The following AIG1 variants were observed in gnomAD, a reference collection of about 807,000 sequenced individuals.
AIG1 encodes the protein androgen induced 1, also known as androgen-induced gene 1 protein.
A neutral mutation model predicts 31.4 loss-of-function variants in AIG1; 23 were observed. That is an observed-to-expected ratio of 0.73 (90% CI 0.53 to 1.04). AIG1 has a LOEUF of 1.04. Among genes scored for constraint, AIG1 ranks in the 50% least tolerant of loss-of-function variants. The pLI is 0.00. For missense variants in AIG1, 274 were observed against 295.0 expected (o/e 0.93, Z 0.52); for synonymous variants, 100 against 110.5 (o/e 0.90, Z 0.60).
chr6:143,284,658 T>C lies in AIG1; in HGVS notation c.515+433T>C, dbSNP rs7749040. Among the ~76,000 whole-genome samples the C allele has an allele frequency of 0.73, 110,902 of 152,040 alleles. 42,143 individuals are homozygous for C. Among genetic ancestry groups the C allele is most frequent in the East Asian group, 1 (5,165 of 5,174 alleles). On this transcript the variant is annotated intron_variant, in intron 4 of 5. Coordinates refer to ENST00000357847, the MANE Select transcript of AIG1 (RefSeq NM_016108.4). This position sits in a 1 kb window ranked among gnomAD's most constrained non-coding sequence, Gnocchi z 4.4. ...TTACTAGGAAACAAGTGAAAATGTA[T>C]GTTTTCCCTGGTCCATTTAAAACCT... is the stretch of plus-strand genomic sequence containing the variant.
chr6:143,271,248 C>T lies in AIG1; in HGVS notation c.400-12862C>T, dbSNP rs117167752. On this transcript the variant is annotated intron_variant, in intron 3 of 5. Coordinates refer to ENST00000357847, the MANE Select transcript of AIG1 (RefSeq NM_016108.4). ...GCACCATCTCAGCCCATAAGAAAAA[C>T]ATGTCATGACAGTAAATCAATAACC... 7.9e-5 allele frequency among the ~76,000 whole-genome samples: 12 copies of T among 152,274 alleles called. No homozygotes were observed. The East Asian group carries it at 2.1e-3, about 27-fold the overall frequency.
At chr6:143,276,911 A>T (rs966487719) in intron 3 of AIG1, among the ~76,000 whole-genome samples, 1 of 152,192 alleles carries the variant, frequency 6.6e-6, no homozygotes, top group African/African-American at 2.4e-5. Context: ...GAGGAGAAAC[A>T]TCTCATCCAG....
chr6:143,200,603 A>G (rs936291111), intron 3 of AIG1, among the ~76,000 whole-genome samples: 4 of 152,174 alleles, frequency 2.6e-5, no homozygotes, highest in Non-Finnish European at 2.9e-5. Context: ...ACTGTTAGTT[A>G]TCAGTGACCG....
upstream of AIG1, chr6:143,060,838 G>A (rs1477023570): frequency 1.2e-6 from 1 of 804,580 alleles, no homozygotes; most frequent in East Asian, 1.1e-4. Context: ...CCCGCGCCCG[G>A]GTTCCCACGG....
chr6:143,269,883 C>T (rs1484498276), intron 3 of AIG1, among the ~76,000 whole-genome samples: 1 of 152,142 alleles, frequency 6.6e-6, no homozygotes, highest in Non-Finnish European at 1.5e-5. Context: ...GTTTTTGATC[C>T]AATTGCTGGT....
intron 1 of AIG1, among the ~76,000 whole-genome samples, chr6:143,074,746 A>G (rs1049282133): frequency 2.6e-5 from 4 of 152,180 alleles, no homozygotes; most frequent in African/African-American, 9.7e-5. Context: ...CTCATTTTAG[A>G]TATAGCTGGA....
upstream of AIG1, chr6:143,060,779 GCGCCCCGCCCC>G (rs1776149047): frequency 7.7e-6 from 1 of 130,554 alleles, no homozygotes; most frequent in Non-Finnish European, 1.6e-5. Flanking sequence ...CCGGGGGCGC[GCGCCCCGCCCC>G]CGCCCCCGCC....
chr6:143,072,361 T>C (rs1242963254), intron 1 of AIG1, among the ~76,000 whole-genome samples: 1 of 152,160 alleles, frequency 6.6e-6, no homozygotes, highest in Non-Finnish European at 1.5e-5. Context: ...TAGACTATCA[T>C]GTCACCTGTT....
intron 4 of AIG1, among the ~76,000 whole-genome samples, chr6:143,305,512 A>T (rs1799204221): frequency 6.6e-6 from 1 of 152,094 alleles, no homozygotes; most frequent in African/African-American, 2.4e-5. Context: ...CAGGTTGTTC[A>T]GTTTCCATGT....
chr6:143,333,459 G>A lies in AIG1; in HGVS notation c.679+14G>A. The A allele has an allele frequency of 6.2e-7, 1 of 1,610,294 alleles. No individual in the cohort carries two copies. Among genetic ancestry groups the A allele is most frequent in the Non-Finnish European group, 8.5e-7 (1 of 1,178,646 alleles). On this transcript the variant is annotated intron_variant, in intron 5 of 5. Coordinates refer to ENST00000357847, the MANE Select transcript of AIG1 (RefSeq NM_016108.4). This position sits in a 1 kb window ranked among gnomAD's most constrained non-coding sequence, Gnocchi z 4.6. The stretch of plus-strand genomic sequence containing the variant: ...ATACACAGAAAAGTAAGTATTGTCT[G>A]AGGGAACATAAAACAAGAGAATTAC...
rs936750627 is a variant in AIG1 at position 143,339,787 on chromosome 6, C to A, written c.*111C>A. 9.6e-7 allele frequency: 1 copy of A among 1,041,656 alleles called. No individual in the cohort carries two copies. Among genetic ancestry groups the A allele is most frequent in the African/African-American group, 1.6e-5 (1 of 61,820 alleles). 64.5% of individuals were successfully genotyped at this position (1,041,656 alleles called of 1,614,324 possible). A position where few individuals can be genotyped will look rare whatever the true frequency, so the allele number is the denominator to read the frequency against. On this transcript the variant is annotated 3_prime_UTR_variant, in exon 6 of 6. Transcript: ENST00000357847. ...TCAAAGGAACTTGGTGGCATCAGCA[C>A]CCCCCTCCCCCAATGAGGACACCTT...
intron 1 of AIG1, among the ~76,000 whole-genome samples, chr6:143,063,904 C>T (rs1212626994): frequency 6.6e-6 from 1 of 152,174 alleles, no homozygotes; most frequent in Non-Finnish European, 1.5e-5. Context: ...GTATGAGGGT[C>T]ATTCCAGTAG....
chr6:143,181,532 T>C (rs1788717852), intron 3 of AIG1, among the ~76,000 whole-genome samples: 1 of 152,260 alleles, frequency 6.6e-6, no homozygotes, highest in African/African-American at 2.4e-5. Context: ...GATTTAAATT[T>C]TAATATGAAG....
In AIG1 at chr6:143,150,633, A is replaced by G. The variant is rs1049926747; in HGVS notation, c.297+13643A>G. 5.9e-5 allele frequency among the ~76,000 whole-genome samples: 9 copies of G among 152,220 alleles called. No homozygotes were observed. In the South Asian group the frequency reaches 6.2e-4, roughly 11 times the overall value. On this transcript the variant is annotated intron_variant, in intron 2 of 5. Coordinates refer to ENST00000357847, the MANE Select transcript of AIG1 (RefSeq NM_016108.4). The stretch of plus-strand genomic sequence containing the variant: ...CCTATCGCAAGAAAATGCCTGCCCT[A>G]TTAGATCTGGTCAGTAATGTTTGAT...
At chr6:143,266,346 C>CAAAAAAAAAAAAAAA (rs398002969) in intron 3 of AIG1, among the ~76,000 whole-genome samples, 2 of 93,218 alleles carry the variant, frequency 2.1e-5, no homozygotes, top group African/African-American at 4.0e-5. Context: ...GAGTCCGTCT[C>CAAAAAAAAAAAAAAA]AAAAAAAAAA....
chr6:143,222,388 GT>G (rs35560385), intron 3 of AIG1, among the ~76,000 whole-genome samples: 7 of 148,792 alleles, frequency 4.7e-5, no homozygotes, highest in South Asian at 2.1e-4. Context: ...GTAGTATCTG[GT>G]TTTTTTTTTG....
At chr6:143,204,097 A>G (rs1790914668) in intron 3 of AIG1, among the ~76,000 whole-genome samples, 1 of 152,154 alleles carries the variant, frequency 6.6e-6, no homozygotes. Context: ...TGCAAAACTA[A>G]AGGTTAGAGA....
intron 1 of AIG1, among the ~76,000 whole-genome samples, chr6:143,113,811 G>A (rs970476797): frequency 7.3e-5 from 11 of 151,554 alleles, no homozygotes; most frequent in African/African-American, 2.2e-4. Context: ...GTCTCCCTCC[G>A]TCACCCAGGC....
chr6:143,249,417 G>A (rs1179248467), intron 3 of AIG1, among the ~76,000 whole-genome samples: 1 of 152,184 alleles, frequency 6.6e-6, no homozygotes, highest in African/African-American at 2.4e-5. Flanking sequence ...AACCTAGTAG[G>A]GGGATGCATG....
Sources: allele counts gnomAD v4.1 joint callset (sites outside exome capture counted in the v4.1 genomes callset), GRCh38; gene constraint gnomAD v4.1.1; non-coding constraint Gnocchi (gnomAD v3.1); transcripts MANE v1.5; gene names NCBI Gene and HGNC (gene_info 2026-07-23, HGNC 2026-07-21).